The following CERT1 variants were observed in gnomAD, a reference collection of about 807,000 sequenced individuals.
CERT1 encodes ceramide transfer protein.
CERT1 carries 31 observed loss-of-function variants against 87.9 expected under a neutral mutation model. That is an observed-to-expected ratio of 0.35 (90% CI 0.27 to 0.48). CERT1 has a LOEUF of 0.48. Ranked by LOEUF, CERT1 falls within the 20% of genes least tolerant of loss-of-function variation. CERT1 has a pLI of 0.99. For missense variants in CERT1, 487 were observed against 758.0 expected (o/e 0.64, Z 4.20); for synonymous variants, 289 against 250.9 (o/e 1.15, Z -1.44).
intron 2 of CERT1, among the ~76,000 whole-genome samples, chr5:75,500,202 A>G (rs1402866236): frequency 6.6e-6 from 1 of 152,114 alleles, no homozygotes; most frequent in African/African-American, 2.4e-5. Flanking sequence ...GAAGGAACCA[A>G]CCCTGCCCAC....
intron 17 of CERT1, chr5:75,369,527 TAA>T (rs940248119): frequency 3.3e-5 from 5 of 152,016 alleles, no homozygotes; most frequent in African/African-American, 1.2e-4. Flanking sequence ...AAAAAAAACT[TAA>T]GAGTCAGGGA....
intron 7 of CERT1, among the ~76,000 whole-genome samples, chr5:75,413,932 G>A (rs924254138): frequency 5.3e-5 from 8 of 151,912 alleles, no homozygotes; most frequent in Non-Finnish European, 8.8e-5. Flanking sequence ...TATGCCCCAA[G>A]AACTCTCATA....
At chr5:75,501,845 G>A (rs909262982) in intron 2 of CERT1, among the ~76,000 whole-genome samples, 2 of 151,998 alleles carry the variant, frequency 1.3e-5, no homozygotes, top group Non-Finnish European at 2.9e-5. Flanking sequence ...AACTTCCACA[G>A]GAATCAAAAT....
intron 2 of CERT1, among the ~76,000 whole-genome samples, chr5:75,470,613 C>A (rs563690209): frequency 1.3e-5 from 2 of 152,028 alleles, no homozygotes; most frequent in South Asian, 2.1e-4. Flanking sequence ...AAGAAATGTA[C>A]CTCAACACAC....
At chr5:75,400,524 G>A (rs1762426616) in intron 9 of CERT1, 1 of 433,200 alleles carries the variant, frequency 2.3e-6, no homozygotes, top group Non-Finnish European at 4.1e-6. Context: ...TGTTAGGCAA[G>A]GGATAAGTTC....
chr5:75,435,851 G>A (rs559765907), intron 3 of CERT1, among the ~76,000 whole-genome samples: 2 of 152,198 alleles, frequency 1.3e-5, no homozygotes, highest in East Asian at 1.9e-4. Flanking sequence ...GCTGGCAAAA[G>A]CACTCTGGTA....
At chr5:75,377,216 A>G (rs1295736249), downstream of CERT1, 1 of 152,246 alleles carries the variant, frequency 6.6e-6, no homozygotes, top group Non-Finnish European at 1.5e-5. Flanking sequence ...TCACCTAATG[A>G]GTTGGGAAAG....
At chr5:75,506,198 A>G (rs1471018850) in intron 1 of CERT1, 82 bp from the exon 2 acceptor site, 3 of 1,363,720 alleles carry the variant, frequency 2.2e-6, no homozygotes, top group Non-Finnish European at 2.0e-6. Flanking sequence ...TGAAACAGCA[A>G]TCTAATTTTA....
chr5:75,438,243 G>A (rs1764177366), intron 3 of CERT1, among the ~76,000 whole-genome samples: 1 of 152,000 alleles, frequency 6.6e-6, no homozygotes, highest in South Asian at 2.1e-4. Flanking sequence ...AAGTACTATA[G>A]GGACCAAAAG....
At chr5:75,465,223 A>T (rs949294575) in intron 2 of CERT1, among the ~76,000 whole-genome samples, 52 of 152,182 alleles carry the variant, frequency 3.4e-4, no homozygotes, top group Admixed American at 2.0e-4. Flanking sequence ...ACCAGTCAGA[A>T]AAATGGTTGG....
chr5:75,465,677 T>C (rs768884390), intron 2 of CERT1, among the ~76,000 whole-genome samples: 5 of 152,214 alleles, frequency 3.3e-5, no homozygotes, highest in Non-Finnish European at 7.3e-5. Flanking sequence ...GCCATTTGTA[T>C]GGACAGGACT....
In CERT1 at chr5:75,500,702, T is replaced by C. The variant is rs561917417; in HGVS notation, c.231+5280A>G. Reference sequence around the variant, plus strand: ...CTCTCTTTCCTTTAGTTCTCACTAATACTGTTCAACATAGAAAAACTGCAC... The same window carrying C: ...CTCTCTTTCCTTTAGTTCTCACTAACACTGTTCAACATAGAAAAACTGCAC... On this transcript the variant is annotated intron_variant, in intron 2 of 16. Coordinates refer to ENST00000643780, the MANE Select transcript of CERT1 (RefSeq NM_001379029.1). Among the ~76,000 whole-genome samples, 29 of 152,332 alleles carry C rather than the reference T, an allele frequency of 1.9e-4. No individual in the cohort carries two copies. In the East Asian group the frequency reaches 5.4e-3, roughly 28 times the overall value.
chr5:75,436,082 G>T (rs1157489160), intron 3 of CERT1, among the ~76,000 whole-genome samples: 1 of 152,194 alleles, frequency 6.6e-6, no homozygotes, highest in African/African-American at 2.4e-5. Context: ...ACACAGGCTG[G>T]AGTGCAGCGG....
At chr5:75,463,461 A>G (rs1255335618) in intron 2 of CERT1, among the ~76,000 whole-genome samples, 1 of 152,210 alleles carries the variant, frequency 6.6e-6, no homozygotes, top group Admixed American at 6.5e-5. Context: ...TCTCATGTCA[A>G]CACTCACTGT....
At chr5:75,454,109 GC>G (rs1764870613) in intron 3 of CERT1, among the ~76,000 whole-genome samples, 1 of 152,188 alleles carries the variant, frequency 6.6e-6, no homozygotes, top group Admixed American at 6.5e-5. Context: ...AATTATGGGT[GC>G]CCAGGCTAAC....
chr5:75,373,956 T>C (rs536563575), downstream of CERT1: 2 of 396,604 alleles, frequency 5.0e-6, no homozygotes, highest in Admixed American at 4.4e-5. Flanking sequence ...AATATAGCCA[T>C]ATACATGTAA....
chr5:75,440,624 A>G (rs1764283614), intron 3 of CERT1, among the ~76,000 whole-genome samples: 1 of 152,168 alleles, frequency 6.6e-6, no homozygotes, highest in Non-Finnish European at 1.5e-5. Context: ...CTAAAGTGAC[A>G]TGAAGCTGGA....
chr5:75,449,477 C>T (rs568178134), intron 3 of CERT1, among the ~76,000 whole-genome samples: 1 of 152,180 alleles, frequency 6.6e-6, no homozygotes, highest in Non-Finnish European at 1.5e-5. Flanking sequence ...TATAGGTTGG[C>T]CTCTAGTCCC....
At chr5:75,417,161 A>G in intron 6 of CERT1, 128 bp from the exon 7 acceptor site, 2 of 669,132 alleles carry the variant, frequency 3.0e-6, no homozygotes, top group Non-Finnish European at 4.9e-6. Flanking sequence ...TTCCTCCTGT[A>G]GGCCAACATT....
Sources: gnomAD v4.1 joint callset for allele counts (sites outside exome capture counted in the v4.1 genomes callset) on GRCh38, gnomAD v4.1.1 for gene constraint, MANE v1.5 for transcripts, NCBI Gene and HGNC (gene_info 2026-07-23, HGNC 2026-07-21) for gene names.